The following NAV2 variants were observed in gnomAD, a reference collection of about 807,000 sequenced individuals.
The protein encoded by NAV2 is helicase, APC down-regulated 1.
A neutral mutation model predicts 223.2 loss-of-function variants in NAV2; 54 were observed. The ratio of observed to expected loss-of-function variants is 0.24; its 90% CI spans 0.19 to 0.30. The LOEUF is 0.30. NAV2 is among the 10% of genes least tolerant of loss of function. The pLI is 1.00. For synonymous variants in NAV2, 1,279 were observed against 1,239.3 expected (o/e 1.03, Z -0.67); for missense variants, 2,806 against 3,147.5 (o/e 0.89, Z 2.60).
At chr11:19,450,438 C>T (rs981704621) in intron 1 of NAV2, among the ~76,000 whole-genome samples, 4 of 152,242 alleles carry the variant, frequency 2.6e-5, no homozygotes, top group Admixed American at 6.5e-5. Flanking sequence ...CTTTTCTCAC[C>T]GGAACCAGCC....
chr11:20,056,911 A>G lies in NAV2; in HGVS notation c.4831+954A>G, dbSNP rs1475763366. Among the ~76,000 whole-genome samples, 4 of 152,234 alleles carry G rather than the reference A, an allele frequency of 2.6e-5. No homozygotes were observed. The East Asian group carries it at 7.7e-4, about 29-fold the overall frequency. ...GATAATACATATAAATGTTAACACA[A>G]TAATGTTATTACATGTCATGGCCTG... is the stretch of plus-strand genomic sequence containing the variant. On this transcript the variant is annotated intron_variant, in intron 19 of 37. Transcript: ENST00000349880.
intron 1 of NAV2, among the ~76,000 whole-genome samples, chr11:19,353,773 A>G (rs1387226138): frequency 2.6e-5 from 4 of 152,204 alleles, no homozygotes; most frequent in African/African-American, 4.8e-5. Context: ...ACACATCACA[A>G]ATCTGAATGT....
At chr11:19,790,900 GTT>G (rs572549834) in intron 1 of NAV2, among the ~76,000 whole-genome samples, 5 of 141,494 alleles carry the variant, frequency 3.5e-5, no homozygotes, top group Admixed American at 7.1e-5. Flanking sequence ...AATATTGCTT[GTT>G]TTTTTTTTTT....
intron 1 of NAV2, among the ~76,000 whole-genome samples, chr11:19,633,662 C>CA (rs1452310820): frequency 3.3e-5 from 5 of 152,244 alleles, no homozygotes; most frequent in African/African-American, 1.2e-4. Context: ...GGACTGCTGC[C>CA]AGGGGAAGCA....
At chr11:20,070,184 G>C (rs560517923) in intron 22 of NAV2, among the ~76,000 whole-genome samples, 69 of 152,194 alleles carry the variant, frequency 4.5e-4, no homozygotes, top group Non-Finnish European at 9.6e-4. Flanking sequence ...TCTATCCCGT[G>C]GGCAGATTCT....
At chr11:19,938,198 C>A (rs1341458158) in intron 7 of NAV2, among the ~76,000 whole-genome samples, 1 of 152,126 alleles carries the variant, frequency 6.6e-6, no homozygotes, top group African/African-American at 2.4e-5. Context: ...GGGGTTTAGA[C>A]CTTATTCTGT....
chr11:20,033,169 C>T (rs75028093), intron 11 of NAV2, among the ~76,000 whole-genome samples: 2,792 of 152,288 alleles, frequency 0.018, 88 homozygotes, highest in African/African-American at 0.064. Flanking sequence ...TTCTTTCAGC[C>T]TCTATTTCTT....
chr11:20,045,732 T>A, intron 14 of NAV2, 62 bp downstream of exon 14: 8 of 1,373,420 alleles, frequency 5.8e-6, no homozygotes, highest in Non-Finnish European at 8.0e-6. Flanking sequence ...TTTAGTAATT[T>A]CCTGTTTCTT....
chr11:19,581,732 A>G (rs2045725193), intron 1 of NAV2, among the ~76,000 whole-genome samples: 1 of 152,142 alleles, frequency 6.6e-6, no homozygotes, highest in Non-Finnish European at 1.5e-5. Context: ...TCCATGGTGT[A>G]TATGTGCCAC....
chr11:20,054,591 A>T (rs556250484), intron 18 of NAV2, among the ~76,000 whole-genome samples: 15 of 152,366 alleles, frequency 9.8e-5, no homozygotes, highest in African/African-American at 3.6e-4. Flanking sequence ...TATAGCAAAG[A>T]ACATGTTATC....
In NAV2 at chr11:19,876,944, ATATTTATT is replaced by A. The variant is rs568755490; in HGVS notation, c.512-2921_512-2914del. ...ATTAAATATATTTATATATATTTATATATTTATTTATCAATAAAAAATATTTATTTATT... is the reference window on the plus strand; with the variant it reads ...ATTAAATATATTTATATATATTTATATATCAATAAAAAATATTTATTTATT... On this transcript the variant is annotated intron_variant, in intron 4 of 37. Coordinates refer to ENST00000349880, the MANE Select transcript of NAV2 (RefSeq NM_145117.5). Among the ~76,000 whole-genome samples, 9 of 141,462 alleles carry A rather than the reference ATATTTATT, an allele frequency of 6.4e-5. No individual in the cohort carries two copies. The South Asian group carries it at 8.9e-4, about 14-fold the overall frequency. 92.8% of individuals were successfully genotyped at this position (141,462 alleles called of 152,430 possible).
intron 1 of NAV2, among the ~76,000 whole-genome samples, chr11:19,434,374 C>A (rs1255131432): frequency 6.6e-6 from 1 of 152,140 alleles, no homozygotes; most frequent in East Asian, 1.9e-4. Context: ...AGAACTGAAG[C>A]ATTTTTAAAA....
chr11:19,526,743 C>A (rs762022657), intron 1 of NAV2, among the ~76,000 whole-genome samples: 4 of 152,210 alleles, frequency 2.6e-5, no homozygotes, highest in Non-Finnish European at 4.4e-5. Flanking sequence ...CATGAGGCCA[C>A]CACTGGCTTG....
chr11:19,923,357 G>A (rs1591260976), intron 6 of NAV2, among the ~76,000 whole-genome samples: 1 of 152,028 alleles, frequency 6.6e-6, no homozygotes, highest in Middle Eastern at 3.4e-3. Context: ...AGTGCAAATA[G>A]GCACATTAAA....
chr11:19,346,315 C>A (rs997034635), upstream of NAV2, among the ~76,000 whole-genome samples: 5 of 152,188 alleles, frequency 3.3e-5, no homozygotes, highest in Admixed American at 2.6e-4. Context: ...TCTGTCCATA[C>A]GTGTGTATGT....
chr11:19,829,267 G>A (rs1478293515), intron 1 of NAV2, among the ~76,000 whole-genome samples: 5 of 152,204 alleles, frequency 3.3e-5, no homozygotes, highest in African/African-American at 1.2e-4. Context: ...GCAGTGTGGT[G>A]CATCCCCTAG....
intron 10 of NAV2, among the ~76,000 whole-genome samples, chr11:19,974,573 C>A (rs964060843): frequency 1.3e-5 from 2 of 152,154 alleles, no homozygotes; most frequent in African/African-American, 4.8e-5. Flanking sequence ...TGGCTTGAGC[C>A]TAGTTCAAGA....
intron 3 of NAV2, among the ~76,000 whole-genome samples, chr11:19,863,121 C>T (rs2061886871): frequency 1.3e-5 from 2 of 152,162 alleles, no homozygotes; most frequent in Admixed American, 6.5e-5. Flanking sequence ...AGCCCATCCT[C>T]CAGCTTTCAG....
At chr11:19,761,530 C>T (rs1473580456) in intron 1 of NAV2, among the ~76,000 whole-genome samples, 1 of 152,178 alleles carries the variant, frequency 6.6e-6, no homozygotes, top group African/African-American at 2.4e-5. Context: ...CCAGGCAGCA[C>T]AATAGCCAAC....
Sources: gnomAD v4.1 joint callset for allele counts (sites outside exome capture counted in the v4.1 genomes callset) on GRCh38, gnomAD v4.1.1 for gene constraint, MANE v1.5 for transcripts, NCBI Gene and HGNC (gene_info 2026-07-23, HGNC 2026-07-21) for gene names.